LUC7L3: variants seen among roughly 807,000 people sequenced by gnomAD.
The protein encoded by LUC7L3 is luc7-like protein 3.
LUC7L3 carries 6 observed loss-of-function variants against 66.8 expected under a neutral mutation model. The observed-to-expected ratio is 0.09, with a 90% CI of 0.05 to 0.18. The LOEUF is 0.18. Ranked by LOEUF, LUC7L3 falls within the 10% of genes least tolerant of loss-of-function variation. The probability of loss-of-function intolerance (pLI) is 1.00; values close to 1 mark genes in which losing one functional copy is unlikely to be tolerated. For synonymous variants in LUC7L3, 160 were observed against 174.7 expected (o/e 0.92, Z 0.66); for missense variants, 341 against 531.1 (o/e 0.64, Z 3.52).
At chr17:50,726,490 C>T (rs565460539) in intron 1 of LUC7L3, among the ~76,000 whole-genome samples, 27 of 152,130 alleles carry the variant, frequency 1.8e-4, no homozygotes, top group African/African-American at 5.8e-4. Flanking sequence ...ATACCATGAC[C>T]TTTGAATAAC....
rs114627241 is a variant in LUC7L3 at position 50,722,012 on chromosome 17, C to G, written c.99+2181C>G. ...CTGTAAGTATTTAACAGTCAAAATG[C>G]TAACTTTACCTAGTATTAAAGGTAG... is the stretch of plus-strand genomic sequence containing the variant. On this transcript the variant is annotated intron_variant, in intron 1 of 9. Transcript: ENST00000505658. 631 of 151,718 alleles carry G rather than the reference C, an allele frequency of 4.2e-3. 2 individuals carry two copies. The highest frequency in any genetic ancestry group is 0.015 in the African/African-American group (614 of 41,354). The allele number at this position is 151,718 out of a possible 1,614,324, so 9.4% of individuals were successfully genotyped here.
chr17:50,753,819 C>G lies in LUC7L3; in HGVS notation c.*3158C>G, dbSNP rs1356488742. 1 of 152,110 alleles carries G rather than the reference C, an allele frequency of 6.6e-6. No homozygotes were observed. The highest frequency in any genetic ancestry group is 2.4e-5 in the African/African-American group (1 of 41,410). 9.4% of individuals were successfully genotyped at this position (152,110 alleles called of 1,614,324 possible). On this transcript the variant is annotated 3_prime_UTR_variant, in exon 10 of 10. Transcript: ENST00000505658. ...GCTCTGCCTCATCTAGAATCAACGT[C>G]TAACTAACTTAAATGAAGTATAATA...
chr17:50,730,931 C>T (rs1969565573), intron 1 of LUC7L3, among the ~76,000 whole-genome samples: 1 of 152,078 alleles, frequency 6.6e-6, no homozygotes, highest in Non-Finnish European at 1.5e-5. Flanking sequence ...CAGAGTGAGG[C>T]TCTGTCTCAA....
In LUC7L3 at chr17:50,719,709, G is replaced by C; in HGVS notation, c.-24G>C. On this transcript the variant is annotated 5_prime_UTR_variant, in exon 1 of 10. Transcript: ENST00000505658. ...CGTTGGCGGGTGCCTGGGCTGGTGGGAACAGCCGCCCGAAGGAAGCACCAT... is the reference window on the plus strand; with the variant it reads ...CGTTGGCGGGTGCCTGGGCTGGTGGCAACAGCCGCCCGAAGGAAGCACCAT... 6.3e-7 allele frequency: 1 copy of C among 1,595,886 alleles called. No individual in the cohort carries two copies. The highest frequency in any genetic ancestry group is 8.6e-7 in the Non-Finnish European group (1 of 1,169,236).
chr17:50,724,973 C>T (rs1969076799), intron 1 of LUC7L3, among the ~76,000 whole-genome samples: 1 of 152,004 alleles, frequency 6.6e-6, no homozygotes, highest in Non-Finnish European at 1.5e-5. Context: ...GTTTGCCGGG[C>T]TGGTCTTGAA....
Position 50,752,152 on chromosome 17 carries a change from T to C in LUC7L3, c.*1491T>C. On this transcript the variant is annotated 3_prime_UTR_variant, in exon 10 of 10. Coordinates refer to ENST00000505658, the MANE Select transcript of LUC7L3 (RefSeq NM_016424.5). Reference sequence around the variant, plus strand: ...CAACACTTTCTCATAAAAATTGGCCTTTTACATGTTGTCTAATTATCATTT... The same window carrying C: ...CAACACTTTCTCATAAAAATTGGCCCTTTACATGTTGTCTAATTATCATTT... 7.8e-7 allele frequency: 1 copy of C among 1,277,824 alleles called. No homozygotes were observed. The highest frequency in any genetic ancestry group is 1.0e-6 in the Non-Finnish European group (1 of 984,266). 79.2% of individuals were successfully genotyped at this position (1,277,824 alleles called of 1,614,324 possible). A position where few individuals can be genotyped will look rare whatever the true frequency, so the allele number is the denominator to read the frequency against.
chr17:50,725,611 C>T (rs1969128942), intron 1 of LUC7L3, among the ~76,000 whole-genome samples: 1 of 152,108 alleles, frequency 6.6e-6, no homozygotes, highest in Non-Finnish European at 1.5e-5. Flanking sequence ...AAAATTGACC[C>T]TTGAACAACA....
intron 1 of LUC7L3, chr17:50,722,704 A>T (rs1293956090): frequency 2.0e-5 from 3 of 152,246 alleles, no homozygotes; most frequent in African/African-American, 7.2e-5. Flanking sequence ...CAAGTGAAGG[A>T]TGCATCTGTG....
At chr17:50,741,762 T>G in intron 5 of LUC7L3, 31 bp downstream of exon 5, 1 of 1,547,436 alleles carries the variant, frequency 6.5e-7, no homozygotes, top group Non-Finnish European at 8.9e-7. Context: ...TGTCAGGAAG[T>G]AATGTGAAAC....
At position 50,748,946 on chromosome 17, in the gene LUC7L3, G is replaced by C. The variant is rs148347816; in HGVS notation, c.1139-1555G>C. ...TAGCCATCTAGGCACTCTTATAAAT[G>C]ACTGAAGATCTGGACTTTGGGACCA... On this transcript the variant is annotated intron_variant, in intron 9 of 9. Transcript: ENST00000505658. Among the ~76,000 whole-genome samples, 237 of 152,170 alleles carry C rather than the reference G, an allele frequency of 1.6e-3. 2 individuals carry two copies. In the Middle Eastern group the frequency reaches 0.02, roughly 13 times the overall value.
At chr17:50,726,395 C>A (rs1247082184) in intron 1 of LUC7L3, among the ~76,000 whole-genome samples, 1 of 152,112 alleles carries the variant, frequency 6.6e-6, no homozygotes, top group South Asian at 2.1e-4. Context: ...TGGGCTCGAA[C>A]TCCTGGCCTT....
In LUC7L3 at chr17:50,755,946, A is replaced by G. The variant is rs1971102231; in HGVS notation, c.*5285A>G. 6.6e-6 allele frequency: 1 copy of G among 152,268 alleles called. No homozygotes were observed. Among genetic ancestry groups the G allele is most frequent in the Admixed American group, 6.5e-5 (1 of 15,290 alleles). 9.4% of individuals were successfully genotyped at this position (152,268 alleles called of 1,614,324 possible). A position where few individuals can be genotyped will look rare whatever the true frequency, so the allele number is the denominator to read the frequency against. On this transcript the variant is annotated 3_prime_UTR_variant, in exon 10 of 10. Coordinates refer to ENST00000505658, the MANE Select transcript of LUC7L3 (RefSeq NM_016424.5). ...CAACAATAGAAGGATCAAAAAAAGC[A>G]AGTCACAGAAGAATACATCACTATG...
intron 9 of LUC7L3, among the ~76,000 whole-genome samples, chr17:50,750,153 G>A (rs955640795): frequency 2.6e-5 from 4 of 152,100 alleles, no homozygotes; most frequent in African/African-American, 4.8e-5. Context: ...TGAACCTCAT[G>A]TGAACATAGT....
At chr17:50,726,958 C>T (rs1348527296) in intron 1 of LUC7L3, among the ~76,000 whole-genome samples, 2 of 151,770 alleles carry the variant, frequency 1.3e-5, no homozygotes, top group Admixed American at 6.6e-5. Flanking sequence ...GCGTTGTGGC[C>T]GGTGCTTGTA....
intron 3 of LUC7L3, 33 bp downstream of exon 3, chr17:50,740,378 C>G (rs758590750): frequency 2.5e-6 from 4 of 1,590,490 alleles, no homozygotes; most frequent in Admixed American, 3.5e-5. Flanking sequence ...TCCACCCCCC[C>G]AGTTATTAGT....
chr17:50,738,035 T>TA (rs1384907300), intron 2 of LUC7L3: 2 of 395,466 alleles, frequency 5.1e-6, no homozygotes, highest in Non-Finnish European at 4.9e-6. Flanking sequence ...AGTAGTAAGT[T>TA]AAAAAAAGAA....
chr17:50,740,111 C>CT (rs1352736278), intron 2 of LUC7L3, among the ~76,000 whole-genome samples, 195 bp from the exon 3 acceptor site: 2 of 152,162 alleles, frequency 1.3e-5, no homozygotes, highest in East Asian at 3.9e-4. Context: ...ACTTTGAAGA[C>CT]TGAGCAGATC....
chr17:50,749,234 T>A (rs1970859228), intron 9 of LUC7L3: 1 of 1,289,076 alleles, frequency 7.8e-7, no homozygotes, highest in South Asian at 1.2e-5. Flanking sequence ...AAGATAAGAT[T>A]ATTGGACTGA....
intron 1 of LUC7L3, among the ~76,000 whole-genome samples, chr17:50,735,706 C>A (rs932880259): frequency 6.6e-6 from 1 of 152,064 alleles, no homozygotes; most frequent in Non-Finnish European, 1.5e-5. Flanking sequence ...CCATGTTGCC[C>A]AAGCCGGTCT....
Sources: gnomAD v4.1 joint callset for allele counts (sites outside exome capture counted in the v4.1 genomes callset) on GRCh38, gnomAD v4.1.1 for gene constraint, MANE v1.5 for transcripts, NCBI Gene and HGNC (gene_info 2026-07-23, HGNC 2026-07-21) for gene names.